Variants in FHAD1 observed in about 807,000 individuals in gnomAD.
FHAD1 encodes forkhead-associated domain-containing protein 1.
In FHAD1, 146 loss-of-function variants were observed where a neutral mutation model predicts 191.3. The observed-to-expected ratio is 0.76, with a 90% CI of 0.67 to 0.88. FHAD1 has a LOEUF of 0.88. Among genes scored for constraint, FHAD1 ranks in the 40% least tolerant of loss-of-function variants. The pLI is 0.00. For synonymous variants in FHAD1, 616 were observed against 672.3 expected, an observed-to-expected ratio of 0.92 and a Z score of 1.29; for missense variants, 1,635 against 1,785.8, an observed-to-expected ratio of 0.92 and a Z score of 1.52.
Position 15,328,367 on chromosome 1 carries a change from TCCAA to T in FHAD1, c.1649_1652del (p.Ser550CysfsTer12). 6.5e-7 allele frequency: 1 copy of T among 1,547,758 alleles called. No homozygotes were observed. The highest frequency in any genetic ancestry group is 8.7e-7 in the Non-Finnish European group (1 of 1,145,480). On this transcript the variant is annotated frameshift_variant, in exon 13 of 34. Transcript: ENST00000688493. LOFTEE classifies it high-confidence loss of function. ...CCAGAAAGAGACCCAGCTGAGCAACTCCAAGCAGGAGGAGACCACCGAGAACATC... is the reference window on the plus strand; with the variant it reads ...CCAGAAAGAGACCCAGCTGAGCAACTGCAGGAGGAGACCACCGAGAACATC...
rs374789443 is a variant in FHAD1, at chr1:15,318,613, G to A, written c.1365+685G>A. On this transcript the variant is annotated intron_variant, in intron 10 of 33. Transcript: ENST00000688493. This position sits in a 1 kb window ranked among gnomAD's most constrained non-coding sequence, Gnocchi z 4.1. ...CGTGCCACCGCACTCCAGCCTGGGC[G>A]ACAGAGCAAGACTCCGTCTCAAAAA... Among the ~76,000 whole-genome samples, 9 of 151,572 alleles carry A rather than the reference G, an allele frequency of 5.9e-5. No individual in the cohort carries two copies. The highest frequency in any genetic ancestry group is 5.8e-4 in the East Asian group (3 of 5,164).
chr1:15,320,053 C>T (rs775809185), intron 10 of FHAD1, among the ~76,000 whole-genome samples: 2 of 152,102 alleles, frequency 1.3e-5, no homozygotes, highest in African/African-American at 2.4e-5. Context: ...GTAGTATTTT[C>T]GTTATTATTC....
intron 22 of FHAD1, 105 bp downstream of exon 22, chr1:15,360,808 C>T (rs1429549496): frequency 5.4e-6 from 5 of 922,042 alleles, no homozygotes; most frequent in African/African-American, 1.7e-5. Flanking sequence ...GTGCCTCATT[C>T]GAAAGCTCAT....
chr1:15,308,022 G>A (rs916051750), intron 6 of FHAD1, among the ~76,000 whole-genome samples: 4 of 152,140 alleles, frequency 2.6e-5, no homozygotes, highest in Non-Finnish European at 4.4e-5. Context: ...GAGCCACTGC[G>A]CCCGGCCTAA....
rs937241677 is a variant in FHAD1, at chr1:15,300,125, T to C, written c.679-1080T>C. On this transcript the variant is annotated intron_variant, in intron 5 of 33. Transcript: ENST00000688493. ...TATGAATCACATCGGGGAATTTTTG[T>C]TCTCAATCTTCCTGATATTTTATTG... Among the ~76,000 whole-genome samples, 4 of 152,220 alleles carry C rather than the reference T, an allele frequency of 2.6e-5. 1 individual carries two copies. The South Asian group carries it at 8.3e-4, about 32-fold the overall frequency.
rs748971193 is a variant in FHAD1 at position 15,345,538 on chromosome 1, A to T, written c.2346+15A>T. 2.4e-5 allele frequency: 37 copies of T among 1,547,654 alleles called. No homozygotes were observed. The highest frequency in any genetic ancestry group is 7.1e-5 in the South Asian group (6 of 83,978). ...GCCAGAAGGAGGTACGCTCGGGGAGATAGAGTCGGCTGAGCCCCAGTCGGC... is the reference window on the plus strand; with the variant it reads ...GCCAGAAGGAGGTACGCTCGGGGAGTTAGAGTCGGCTGAGCCCCAGTCGGC... On this transcript the variant is annotated intron_variant, in intron 18 of 33. Transcript: ENST00000688493.
rs372539293 is a variant in FHAD1 at position 15,368,702 on chromosome 1, G to A, written c.3315-668G>A. ...CGCCTGTAATCCCAGCACTTTGGGAGGCTGAGGCAGGTGAATCACCCGAGG... is the reference window on the plus strand; with the variant it reads ...CGCCTGTAATCCCAGCACTTTGGGAAGCTGAGGCAGGTGAATCACCCGAGG... On this transcript the variant is annotated intron_variant, in intron 25 of 33. Coordinates refer to ENST00000688493, the MANE Select transcript of FHAD1 (RefSeq NM_001391957.1). Among the ~76,000 whole-genome samples, 14 of 152,300 alleles carry A rather than the reference G, an allele frequency of 9.2e-5. 1 individual carries two copies. In the South Asian group the frequency reaches 2.9e-3, roughly 32 times the overall value.
rs185858204 is a variant in FHAD1, at chr1:15,270,634, A to G, written c.94-1689A>G. Among the ~76,000 whole-genome samples the G allele has an allele frequency of 1.1e-4, 16 of 152,338 alleles. No homozygotes were observed. In the East Asian group the frequency reaches 2.9e-3, roughly 27 times the overall value. On this transcript the variant is annotated intron_variant, in intron 2 of 33. Transcript: ENST00000688493. ...TTATATGATGGAACTTTAGTTGTCT[A>G]CATGCAAGTACTTTTATATAAAAGC...
Position 15,358,191 on chromosome 1 carries a change from A to G in FHAD1, c.2644A>G (p.Lys882Glu). 2 of 1,540,692 alleles carry G rather than the reference A, an allele frequency of 1.3e-6. No homozygotes were observed. Among genetic ancestry groups the G allele is most frequent in the Non-Finnish European group, 1.7e-6 (2 of 1,144,702 alleles). ...ACTGGCCATGGTTGAAGAGACTCAG[A>G]AAACAAAGGCAACTGAAAGTCTAAA... ...DALAMVEETQ[K>E]TKATESLKAE... The change falls in exon 21 of 34, where the codon AAA becomes GAA. Residue 882 changes from lysine (K) to glutamate (E), a missense_variant. Physicochemically the swap from Lys to Glu is moderately conservative, Grantham distance 56. Transcript: ENST00000688493.
In FHAD1 at chr1:15,380,796, G is replaced by C. The variant is rs970018058; in HGVS notation, c.3801G>C (p.Leu1267=). Reference sequence around the variant, plus strand: ...AGGCTTTAGAGCTCAGTGAAAAGCTGGTATGTACATCCAGCATCCACCCTG... The same window carrying C: ...AGGCTTTAGAGCTCAGTGAAAAGCTCGTATGTACATCCAGCATCCACCCTG... ...VAEALELSEK[L]YLDMSKTLGS... is the part of the protein sequence containing the mutation. The change falls in exon 29 of 34, where the codon CTG becomes CTC. Residue 1267 remains leucine (L), a splice_region_variant and synonymous_variant. Transcript: ENST00000688493. 3.2e-6 allele frequency: 5 copies of C among 1,551,068 alleles called. No homozygotes were observed. The highest frequency in any genetic ancestry group is 2.0e-5 in the Admixed American group (1 of 50,984).
At chr1:15,252,564 C>T (rs1174355386) in intron 2 of FHAD1, among the ~76,000 whole-genome samples, 1 of 152,242 alleles carries the variant, frequency 6.6e-6, no homozygotes, top group Non-Finnish European at 1.5e-5. Flanking sequence ...AGCCCCACCT[C>T]TGGAGTCGAG....
At chr1:15,348,064 G>A (rs1689559406) in intron 18 of FHAD1, among the ~76,000 whole-genome samples, 1 of 152,188 alleles carries the variant, frequency 6.6e-6, no homozygotes. Flanking sequence ...ACAATTCACA[G>A]GAAAATGTCC....
In FHAD1 at chr1:15,300,783, C is replaced by G. The variant is rs184512948; in HGVS notation, c.679-422C>G. Among the ~76,000 whole-genome samples the G allele has an allele frequency of 7.9e-5, 12 of 152,268 alleles. No homozygotes were observed. The East Asian group carries it at 2.1e-3, about 27-fold the overall frequency. The stretch of plus-strand genomic sequence containing the variant: ...AGTGACAGAGAGCCTCAAAGTCTGC[C>G]TTTTCCCTGCCTGCCTGCCCTTACT... On this transcript the variant is annotated intron_variant, in intron 5 of 33. Transcript: ENST00000688493.
intron 18 of FHAD1, 59 bp downstream of exon 18, chr1:15,345,582 G>A: frequency 7.4e-7 from 1 of 1,353,686 alleles, no homozygotes; most frequent in Non-Finnish European, 1.0e-6. Context: ...CATGTGGAAG[G>A]AAGTTCAGAG....
chr1:15,368,121 G>A (rs1697054132), intron 25 of FHAD1, among the ~76,000 whole-genome samples: 2 of 152,260 alleles, frequency 1.3e-5, no homozygotes, highest in South Asian at 4.2e-4. Flanking sequence ...ACAGGCATGA[G>A]CCACCAGGCC....
chr1:15,241,541 T>G (rs1394521269), intron 1 of FHAD1, among the ~76,000 whole-genome samples: 1 of 151,948 alleles, frequency 6.6e-6, no homozygotes, highest in African/African-American at 2.4e-5. Flanking sequence ...TCCCAGCTAC[T>G]TGGGAGGCTG....
chr1:15,303,512 A>C (rs1436182767), intron 6 of FHAD1, among the ~76,000 whole-genome samples: 2 of 152,204 alleles, frequency 1.3e-5, no homozygotes, highest in African/African-American at 4.8e-5. Context: ...TAAAGTGCTC[A>C]CATTATCTGG....
At chr1:15,364,983 C>T (rs920610570) in intron 23 of FHAD1, among the ~76,000 whole-genome samples, 11 of 152,216 alleles carry the variant, frequency 7.2e-5, no homozygotes, top group Non-Finnish European at 1.6e-4. Context: ...TGTCCCATCA[C>T]CATCACTGTC....
At chr1:15,328,795 C>T (rs11580871) in intron 13 of FHAD1, 6,454 of 171,686 alleles carry the variant, frequency 0.038, 495 homozygotes, top group African/African-American at 0.14. Flanking sequence ...CCACAAAAGG[C>T]GGTTTCCACA....
Sources: gnomAD v4.1 joint callset for allele counts (sites outside exome capture counted in the v4.1 genomes callset) on GRCh38, gnomAD v4.1.1 for gene constraint, Gnocchi (gnomAD v3.1) non-coding constraint, MANE v1.5 for transcripts, NCBI Gene and HGNC (gene_info 2026-07-23, HGNC 2026-07-21) for gene names.